NALCN: variants seen among roughly 807,000 people sequenced by gnomAD.
The protein encoded by NALCN is sodium leak channel, non-selective, also known as sodium leak channel NALCN.
In NALCN, 111 loss-of-function variants were observed where a neutral mutation model predicts 225.3. The ratio of observed to expected loss-of-function variants is 0.49; its 90% CI spans 0.42 to 0.58. NALCN has a LOEUF of 0.58. Among genes scored for constraint, NALCN ranks in the 20% least tolerant of loss-of-function variants. The pLI, the probability that NALCN is intolerant of heterozygous loss-of-function variation, is 0.00. For synonymous variants in NALCN, 764 were observed against 769.0 expected, an observed-to-expected ratio of 0.99 and a Z score of 0.11; for missense variants, 1,378 against 2,202.4, an observed-to-expected ratio of 0.63 and a Z score of 7.49.
chr13:101,207,111 AT>A (rs2040343597), intron 13 of NALCN, among the ~76,000 whole-genome samples: 1 of 152,130 alleles, frequency 6.6e-6, no homozygotes, highest in Admixed American at 6.5e-5. Context: ...CTTAGGAGAG[AT>A]TTTTATAAAT....
At chr13:101,400,128 G>A (rs927154641) in intron 1 of NALCN, among the ~76,000 whole-genome samples, 1 of 150,688 alleles carries the variant, frequency 6.6e-6, no homozygotes, top group Non-Finnish European at 1.5e-5. Flanking sequence ...TATTTTATTT[G>A]ATCTTTACAA....
intron 10 of NALCN, among the ~76,000 whole-genome samples, chr13:101,273,854 C>T (rs969459796): frequency 2.8e-5 from 4 of 142,094 alleles, no homozygotes; most frequent in Non-Finnish European, 6.0e-5. Context: ...CACCGCACTC[C>T]AGCCTGGGCG....
chr13:101,074,706 G>C (rs2033137419), intron 35 of NALCN, 44 bp from the exon 36 acceptor site: 3 of 1,539,824 alleles, frequency 1.9e-6, no homozygotes, highest in African/African-American at 1.5e-5. Context: ...GAGAGAGAGA[G>C]AGAGAGACAG....
At chr13:101,081,703 T>C in intron 33 of NALCN, 57 bp from the exon 34 acceptor site, 1 of 1,585,642 alleles carries the variant, frequency 6.3e-7, no homozygotes, top group Non-Finnish European at 8.6e-7. Flanking sequence ...CATATTTAAA[T>C]GTATTAACTT....
intron 14 of NALCN, among the ~76,000 whole-genome samples, chr13:101,188,625 TACATATATAC>T (rs978359367): frequency 1.9e-4 from 28 of 150,478 alleles, no homozygotes; most frequent in East Asian, 3.9e-4. Flanking sequence ...CACACATATA[TACATATATAC>T]ACATATATAC....
intron 10 of NALCN, among the ~76,000 whole-genome samples, chr13:101,261,976 G>A (rs2042443908): frequency 6.6e-6 from 1 of 152,220 alleles, no homozygotes; most frequent in Non-Finnish European, 1.5e-5. Context: ...GATACTAGCT[G>A]TGGGTCTGTC....
At position 101,122,524 on chromosome 13, in the gene NALCN, A is replaced by G. The variant is rs543444646; in HGVS notation, c.2192+2084T>C. Among the ~76,000 whole-genome samples the G allele has an allele frequency of 1.4e-4, 22 of 152,308 alleles. No homozygotes were observed. The South Asian group carries it at 4.1e-3, about 29-fold the overall frequency. Reference sequence around the variant, plus strand: ...CTTAAAAATATTGCTCATGTACATTATATAATTGAAAAAACAAAAACACTT... The same window carrying G: ...CTTAAAAATATTGCTCATGTACATTGTATAATTGAAAAAACAAAAACACTT... On this transcript the variant is annotated intron_variant, in intron 18 of 43. Coordinates refer to ENST00000251127, the MANE Select transcript of NALCN (RefSeq NM_052867.4).
At chr13:101,272,780 T>C (rs941752747) in intron 10 of NALCN, among the ~76,000 whole-genome samples, 1 of 152,168 alleles carries the variant, frequency 6.6e-6, no homozygotes, top group Non-Finnish European at 1.5e-5. Flanking sequence ...TACATTCTCA[T>C]GGGCTCCATC....
intron 7 of NALCN, among the ~76,000 whole-genome samples, chr13:101,312,748 T>C (rs1172522104): frequency 6.6e-6 from 1 of 152,184 alleles, no homozygotes; most frequent in East Asian, 1.9e-4. Flanking sequence ...ATTTCTGTTC[T>C]TTTACATTTG....
intron 7 of NALCN, among the ~76,000 whole-genome samples, chr13:101,327,873 G>A: frequency 6.6e-6 from 1 of 152,190 alleles, no homozygotes; most frequent in Non-Finnish European, 1.5e-5. Context: ...TAGTCTGGGG[G>A]TTGGCTAACT....
intron 34 of NALCN, among the ~76,000 whole-genome samples, chr13:101,077,476 T>C (rs1459989037): frequency 6.6e-6 from 1 of 152,098 alleles, no homozygotes; most frequent in Non-Finnish European, 1.5e-5. Flanking sequence ...CAGGCTGAGG[T>C]GGTCTCAGGT....
intron 11 of NALCN, among the ~76,000 whole-genome samples, chr13:101,256,236 T>C (rs2042224450): frequency 6.6e-6 from 1 of 152,212 alleles, no homozygotes; most frequent in African/African-American, 2.4e-5. Context: ...TCTGGTTCTA[T>C]TATTCCATCA....
intron 17 of NALCN, among the ~76,000 whole-genome samples, chr13:101,125,104 G>A (rs1018154790): frequency 6.6e-6 from 1 of 152,136 alleles, no homozygotes; most frequent in African/African-American, 2.4e-5. Flanking sequence ...GCTTGCAGGT[G>A]TGGGGAATGA....
At chr13:101,170,858 T>C (rs1230427629) in intron 15 of NALCN, among the ~76,000 whole-genome samples, 1 of 152,108 alleles carries the variant, frequency 6.6e-6, no homozygotes, top group Non-Finnish European at 1.5e-5. Context: ...TTTCTGTGGG[T>C]TTTTTCTTCC....
intron 13 of NALCN, among the ~76,000 whole-genome samples, chr13:101,221,821 A>G (rs1382401505): frequency 1.3e-5 from 2 of 152,178 alleles, no homozygotes; most frequent in Non-Finnish European, 2.9e-5. Context: ...GGTGTTCAAC[A>G]AATCCCATTT....
chr13:101,125,905 C>A (rs1436774774), intron 17 of NALCN, among the ~76,000 whole-genome samples: 2 of 152,244 alleles, frequency 1.3e-5, no homozygotes, highest in East Asian at 3.9e-4. Context: ...AGGCAAGAAG[C>A]CCTACAGGGC....
At chr13:101,334,074 G>A (rs1359091296) in intron 7 of NALCN, among the ~76,000 whole-genome samples, 4 of 152,220 alleles carry the variant, frequency 2.6e-5, no homozygotes, top group East Asian at 1.9e-4. Context: ...CAATGAGAGC[G>A]AGAAAAGACA....
chr13:101,356,930 A>G (rs1444322078), intron 6 of NALCN, among the ~76,000 whole-genome samples: 1 of 152,212 alleles, frequency 6.6e-6, no homozygotes, highest in Non-Finnish European at 1.5e-5. Flanking sequence ...AGAACCAGAG[A>G]CAAAAGCCAC....
intron 1 of NALCN, 145 bp from the exon 2 acceptor site, chr13:101,399,310 T>C: frequency 2.1e-6 from 1 of 475,292 alleles, no homozygotes; most frequent in Non-Finnish European, 3.7e-6. Context: ...ATAGAAACTT[T>C]AAAAGGATGA....
Sources: allele counts gnomAD v4.1 joint callset (sites outside exome capture counted in the v4.1 genomes callset), GRCh38; gene constraint gnomAD v4.1.1; transcripts MANE v1.5; gene names NCBI Gene and HGNC (gene_info 2026-07-23, HGNC 2026-07-21).